The following FREM3 variants were observed in gnomAD, a reference collection of about 807,000 sequenced individuals.
FREM3 encodes FRAS1-related extracellular matrix protein 3.
FREM3 carries 105 observed loss-of-function variants against 129.1 expected under a neutral mutation model. The ratio of observed to expected loss-of-function variants is 0.81; its 90% CI spans 0.69 to 0.96. The LOEUF (loss-of-function observed/expected upper bound fraction) is 0.96. Ranked by LOEUF, FREM3 falls within the 40% of genes least tolerant of loss-of-function variation. FREM3 has a pLI of 0.00. For missense variants in FREM3, 2,593 were observed against 2,666.3 expected (o/e 0.97, Z 0.61); for synonymous variants, 1,014 against 1,044.9 (o/e 0.97, Z 0.57).
intron 5 of FREM3, among the ~76,000 whole-genome samples, chr4:143,617,020 GT>G (rs1738863943): frequency 6.6e-6 from 1 of 152,126 alleles, no homozygotes. Flanking sequence ...TACTCATTTG[GT>G]TTTAGGTTCT....
At chr4:143,674,050 G>A (rs989635450) in intron 2 of FREM3, among the ~76,000 whole-genome samples, 4 of 152,194 alleles carry the variant, frequency 2.6e-5, no homozygotes, top group African/African-American at 7.2e-5. Context: ...TGGGTGAGGC[G>A]ATGCCTCGCC....
In FREM3 at chr4:143,698,169, C is replaced by T. The variant is rs1740617293; in HGVS notation, c.2507G>A (p.Gly836Asp). 1 of 1,537,318 alleles carries T rather than the reference C, an allele frequency of 6.5e-7. No homozygotes were observed. The highest frequency in any genetic ancestry group is 8.7e-7 in the Non-Finnish European group (1 of 1,146,970). The change falls in exon 1 of 8, where the codon GGC (glycine) becomes GAC (aspartate). Residue 836 changes from glycine (G) to aspartate (D), a missense_variant. Coordinates refer to ENST00000329798, the MANE Select transcript of FREM3 (RefSeq NM_001168235.2). ...DNQPPEVTNR[G>D]FAILEGGSFN... ...GCTGCCTCCCTCTAAGATAGCAAAG[C>T]CTCTGTTGGTGACTTCTGGGGGCTG... is the stretch of plus-strand genomic sequence containing the variant.
At chr4:143,633,840 TGTCAG>T (rs1560852130) in intron 2 of FREM3, among the ~76,000 whole-genome samples, 1 of 152,096 alleles carries the variant, frequency 6.6e-6, no homozygotes, top group Non-Finnish European at 1.5e-5. Flanking sequence ...TAAAAAGACA[TGTCAG>T]GTATGGGCTC....
chr4:143,584,494 A>G (rs2149833282), intron 7 of FREM3, among the ~76,000 whole-genome samples: 1 of 152,336 alleles, frequency 6.6e-6, no homozygotes, highest in African/African-American at 2.4e-5. Flanking sequence ...ATTTCAGACA[A>G]AACAGACTTT....
At chr4:143,659,839 T>C (rs1739673284) in intron 2 of FREM3, among the ~76,000 whole-genome samples, 3 of 151,778 alleles carry the variant, frequency 2.0e-5, no homozygotes, top group Non-Finnish European at 2.9e-5. Flanking sequence ...CCAGTGATGA[T>C]GAGCATTTTT....
intron 2 of FREM3, among the ~76,000 whole-genome samples, chr4:143,643,095 A>G (rs1168157816): frequency 6.6e-6 from 1 of 152,198 alleles, no homozygotes; most frequent in Non-Finnish European, 1.5e-5. Context: ...TAGGATGGCT[A>G]TTATCAAAAA....
chr4:143,697,621 A>G lies in FREM3; in HGVS notation c.3055T>C (p.Tyr1019His). ...CCAACTTCACCTGCAGTGTGGGCAT[A>G]GGCTACTCTCCCATTGATGAGATCC... is the stretch of plus-strand genomic sequence containing the variant. ...QEDLINGRVA[Y>H]AHTAGEVGFQ... Residue 1019 changes from tyrosine (Y) to histidine (H), a missense_variant, in exon 1 of 8, where the codon TAT becomes CAT. Physicochemically the swap from Tyr to His is moderately conservative, Grantham distance 83 (BLOSUM62 2). Coordinates refer to ENST00000329798, the MANE Select transcript of FREM3 (RefSeq NM_001168235.2). 1.3e-6 allele frequency: 2 copies of G among 1,537,804 alleles called. No individual in the cohort carries two copies. The highest frequency in any genetic ancestry group is 1.7e-6 in the Non-Finnish European group (2 of 1,147,042).
intron 2 of FREM3, among the ~76,000 whole-genome samples, chr4:143,663,115 G>A (rs770146677): frequency 7.9e-5 from 12 of 151,888 alleles, no homozygotes; most frequent in Non-Finnish European, 1.5e-4. Flanking sequence ...TCTGTATTTG[G>A]TCCTGTCATT....
At chr4:143,666,220 C>T (rs999775861) in intron 2 of FREM3, among the ~76,000 whole-genome samples, 3 of 152,056 alleles carry the variant, frequency 2.0e-5, no homozygotes, top group Admixed American at 6.6e-5. Flanking sequence ...AATGTTTCTA[C>T]ATGCATAAAA....
chr4:143,626,317 A>T (rs1739036445), intron 3 of FREM3, among the ~76,000 whole-genome samples: 1 of 152,170 alleles, frequency 6.6e-6, no homozygotes, highest in Non-Finnish European at 1.5e-5. Flanking sequence ...TGGGAAGACA[A>T]ATAGACACAT....
chr4:143,589,924 T>TGG (rs987980193), intron 6 of FREM3, among the ~76,000 whole-genome samples: 2 of 152,176 alleles, frequency 1.3e-5, no homozygotes, highest in African/African-American at 4.8e-5. Context: ...CCTTGAGCAG[T>TGG]GGTTTGTAGT....
Position 143,700,241 on chromosome 4 carries a change from G to C in FREM3, c.435C>G (p.Tyr145Ter), listed in dbSNP as rs1199140459. 1 of 1,536,744 alleles carries C rather than the reference G, an allele frequency of 6.5e-7. No homozygotes were observed. The highest frequency in any genetic ancestry group is 8.7e-7 in the Non-Finnish European group (1 of 1,146,848). The change falls in exon 1 of 8, where the codon TAC becomes TAG. Residue 145 changes from tyrosine (Y) to a stop codon, truncating the protein, a stop_gained. Transcript: ENST00000329798. LOFTEE classifies it high-confidence loss of function. Reference sequence around the variant, plus strand: ...GCACCAGAGTGTGAGTCGGGGCGTCGTAGCGCAGCTGCAGCAGCACCCGGG... The same window carrying C: ...GCACCAGAGTGTGAGTCGGGGCGTCCTAGCGCAGCTGCAGCAGCACCCGGG... The part of the protein sequence containing the change: ...GRARVLLQLR[Y>*]DAPTHTLVLP...
chr4:143,611,171 A>C (rs1738748682), intron 6 of FREM3, 108 bp downstream of exon 6: 1 of 1,229,446 alleles, frequency 8.1e-7, no homozygotes, highest in African/African-American at 1.5e-5. Flanking sequence ...AAAGAACATC[A>C]AATATTCTTT....
At chr4:143,679,655 C>T (rs148069994) in intron 2 of FREM3, among the ~76,000 whole-genome samples, 11 of 152,268 alleles carry the variant, frequency 7.2e-5, no homozygotes, top group South Asian at 6.2e-4. Flanking sequence ...TTTCACAGCT[C>T]TGAGCTAATT....
intron 6 of FREM3, among the ~76,000 whole-genome samples, chr4:143,592,015 G>C (rs1049252666): frequency 6.6e-6 from 1 of 152,070 alleles, no homozygotes; most frequent in Non-Finnish European, 1.5e-5. Context: ...TGTCTCTTTT[G>C]ATCTTTGTTG....
At chr4:143,635,300 T>C (rs900662907) in intron 2 of FREM3, among the ~76,000 whole-genome samples, 8 of 152,210 alleles carry the variant, frequency 5.3e-5, no homozygotes, top group Non-Finnish European at 7.3e-5. Context: ...AAAGAATAGC[T>C]TGAAGCATAA....
chr4:143,624,159 C>T lies in FREM3; in HGVS notation c.5602G>A (p.Val1868Ile). Residue 1868 changes from valine (V) to isoleucine (I), a missense_variant, in exon 4 of 8, where the codon GTA becomes ATA. Physicochemically the swap from Val to Ile is conservative, Grantham distance 29. Around this residue, in one of 2 missense-constraint regions of FREM3, gnomAD observed 317 missense variants for 399.0 expected, o/e 0.79. Transcript: ENST00000329798. ...GTTGCCATTTCTGGAAACTCCAGTA[C>T]AGCCATGAGAGGTTCAGACAGAATG... The part of the protein sequence containing the change: ...QIILSEPLMA[V>I]LEFPEMATVE... The T allele has an allele frequency of 6.5e-7, 1 of 1,536,922 alleles. No individual in the cohort carries two copies. The highest frequency in any genetic ancestry group is 8.7e-7 in the Non-Finnish European group (1 of 1,146,638).
chr4:143,675,658 A>G (rs972347512), intron 2 of FREM3, among the ~76,000 whole-genome samples: 1 of 152,190 alleles, frequency 6.6e-6, no homozygotes, highest in African/African-American at 2.4e-5. Flanking sequence ...ACTAATAAAG[A>G]AAGAAAGAGA....
At chr4:143,637,025 C>A (rs1019441849) in intron 2 of FREM3, among the ~76,000 whole-genome samples, 3 of 152,130 alleles carry the variant, frequency 2.0e-5, no homozygotes, top group African/African-American at 7.2e-5. Flanking sequence ...TTGTCATAAG[C>A]ATTTAGCTTC....
Sources: allele counts gnomAD v4.1 joint callset (sites outside exome capture counted in the v4.1 genomes callset), GRCh38; gene constraint gnomAD v4.1.1; regional missense constraint gnomAD v4.1.1; transcripts MANE v1.5; gene names NCBI Gene and HGNC (gene_info 2026-07-23, HGNC 2026-07-21).